Variants in MMRN1 observed in about 807,000 individuals in gnomAD.
MMRN1 encodes multimerin 1.
In MMRN1, 94 loss-of-function variants were observed where a neutral mutation model predicts 100.7. That is an observed-to-expected ratio of 0.93 (90% confidence interval 0.79 to 1.11). The LOEUF (loss-of-function observed/expected upper bound fraction) is 1.11. Among genes scored for constraint, MMRN1 ranks in the 50% least tolerant of loss-of-function variants. The pLI is 0.00. For missense variants in MMRN1, 1,606 were observed against 1,439.1 expected (o/e 1.12, Z -1.88); for synonymous variants, 575 against 505.0 (o/e 1.14, Z -1.86).
chr4:89,921,710 G>T (rs1722095217), intron 3 of MMRN1, among the ~76,000 whole-genome samples: 1 of 152,084 alleles, frequency 6.6e-6, no homozygotes, highest in African/African-American at 2.4e-5. Context: ...AAATCAAAAA[G>T]AAACAGCATC....
intron 6 of MMRN1, among the ~76,000 whole-genome samples, chr4:89,944,337 G>C (rs2110647865): frequency 6.6e-6 from 1 of 152,274 alleles, no homozygotes; most frequent in Non-Finnish European, 1.5e-5. Context: ...ATATTGCCAA[G>C]TTTCTCTTCA....
At chr4:89,933,583 G>A (rs1722508827) in intron 5 of MMRN1, among the ~76,000 whole-genome samples, 1 of 152,166 alleles carries the variant, frequency 6.6e-6, no homozygotes, top group African/African-American at 2.4e-5. Flanking sequence ...CGTGGCAGAA[G>A]GTGAAGAAAG....
At chr4:89,909,424 T>G (rs773323324) in intron 2 of MMRN1, 29 bp downstream of exon 2, 1 of 1,604,160 alleles carries the variant, frequency 6.2e-7, no homozygotes, top group East Asian at 2.2e-5. Context: ...AAATAGCCAC[T>G]GTTTTTGCAC....
chr4:89,913,947 A>G (rs189303387), intron 3 of MMRN1, among the ~76,000 whole-genome samples: 1 of 151,414 alleles, frequency 6.6e-6, no homozygotes. Context: ...TTTGATTCCA[A>G]AATAGCCTCC....
intron 1 of MMRN1, among the ~76,000 whole-genome samples, chr4:89,900,993 T>C (rs899846372): frequency 1.1e-4 from 16 of 151,850 alleles, no homozygotes; most frequent in African/African-American, 3.1e-4. Context: ...AGGAGGTAAG[T>C]GATCAACAGT....
rs12646270 is a variant in MMRN1, at chr4:89,936,328, G to C, written c.2648G>C (p.Gly883Ala). 1.9e-6 allele frequency: 3 copies of C among 1,612,392 alleles called. No homozygotes were observed. The African/African-American group carries it at 4.0e-5, about 22-fold the overall frequency. The change falls in exon 6 of 8, where the codon GGC becomes GCC. Residue 883 changes from glycine to alanine, a missense_variant. Gly to Ala is a moderately conservative substitution (Grantham distance 60). Coordinates refer to ENST00000264790, the MANE Select transcript of MMRN1 (RefSeq NM_007351.3). ...LIPYYISVKK[G>A]SVVTNERDQA... The stretch of plus-strand genomic sequence containing the variant: ...CCTTATTATATTTCAGTTAAAAAAG[G>C]CAGTGTAGTTACAAATGAGAGAGAT...
At chr4:89,892,905 G>T (rs1410271896), upstream of MMRN1, among the ~76,000 whole-genome samples, 3 of 151,926 alleles carry the variant, frequency 2.0e-5, no homozygotes, top group Non-Finnish European at 4.4e-5. Context: ...CATTATTTTG[G>T]CAGTTTTGTA....
upstream of MMRN1, chr4:89,894,827 C>T: frequency 2.9e-6 from 4 of 1,397,562 alleles, no homozygotes; most frequent in South Asian, 4.8e-5. Context: ...GAGTACGCTA[C>T]AAAACACAGA....
intron 1 of MMRN1, among the ~76,000 whole-genome samples, chr4:89,880,135 T>C (rs1435451695): frequency 4.6e-5 from 7 of 152,210 alleles, no homozygotes; most frequent in Non-Finnish European, 8.8e-5. Context: ...AATTGACTTC[T>C]TTGTGTCAAC....
intron 3 of MMRN1, among the ~76,000 whole-genome samples, chr4:89,921,348 A>G (rs966017791): frequency 2.6e-5 from 4 of 152,154 alleles, no homozygotes; most frequent in African/African-American, 7.2e-5. Flanking sequence ...TTTCCAGGTG[A>G]TGCTCATACT....
chr4:89,930,085 T>G (rs928606474), intron 5 of MMRN1, among the ~76,000 whole-genome samples: 1 of 152,108 alleles, frequency 6.6e-6, no homozygotes, highest in Non-Finnish European at 1.5e-5. Context: ...TGGAAGCATA[T>G]GAGTCACAGG....
At chr4:89,933,882 A>G (rs1234272120) in intron 5 of MMRN1, among the ~76,000 whole-genome samples, 1 of 152,188 alleles carries the variant, frequency 6.6e-6, no homozygotes, top group African/African-American at 2.4e-5. Context: ...TCATCACTAG[A>G]TATTATAAAT....
Position 89,935,558 on chromosome 4 carries a change from T to C in MMRN1, c.1878T>C (p.Phe626=). ...ATCAAACATTGGCTGAAGTTCTCTT[T>C]CCAATGGACAATAAGATGGACAAAA... ...VLNQTLAEVL[F]PMDNKMDKMS... The change falls in exon 6 of 8, where the codon TTT becomes TTC. Residue 626 remains phenylalanine (F), a synonymous_variant. Transcript: ENST00000264790. The C allele has an allele frequency of 4.3e-6, 7 of 1,613,378 alleles. No homozygotes were observed. The highest frequency in any genetic ancestry group is 5.9e-6 in the Non-Finnish European group (7 of 1,179,728).
intron 3 of MMRN1, among the ~76,000 whole-genome samples, chr4:89,917,233 G>A (rs1255094426): frequency 6.6e-6 from 1 of 151,724 alleles, no homozygotes; most frequent in Non-Finnish European, 1.5e-5. Flanking sequence ...TTTGTAAGAA[G>A]TAAAATTAAG....
chr4:89,938,918 T>A (rs1325655217), intron 6 of MMRN1, among the ~76,000 whole-genome samples: 1 of 152,046 alleles, frequency 6.6e-6, no homozygotes, highest in Non-Finnish European at 1.5e-5. Flanking sequence ...AGGTAGATAT[T>A]CCTTTTATGC....
rs781001577 is a variant in MMRN1 at position 89,928,020 on chromosome 4, A to G, written c.1129+52A>G. On this transcript the variant is annotated intron_variant, in intron 5 of 7. Transcript: ENST00000264790. ...CATTCAGTAACACAGAAAGCAAATG[A>G]TTCATTTTTCTTTTCTTACATCACT... is the stretch of plus-strand genomic sequence containing the variant. 10 of 1,391,382 alleles carry G rather than the reference A, an allele frequency of 7.2e-6. No homozygotes were observed. The South Asian group carries it at 1.5e-4, about 20-fold the overall frequency. 86.2% of individuals were successfully genotyped at this position (1,391,382 alleles called of 1,614,324 possible).
Position 89,907,252 on chromosome 4 carries a change from TAAC to T in MMRN1, c.624-2019_624-2017del, listed in dbSNP as rs1721596149. ...TTTGCCTCAATTGTCACCAGTGATTTAACAACATGTGCCAGCATGTCTTCTTAC... is the reference window on the plus strand; with the variant it reads ...TTTGCCTCAATTGTCACCAGTGATTTAACATGTGCCAGCATGTCTTCTTAC... On this transcript the variant is annotated intron_variant, in intron 1 of 7. Coordinates refer to ENST00000264790, the MANE Select transcript of MMRN1 (RefSeq NM_007351.3). Among the ~76,000 whole-genome samples the T allele has an allele frequency of 7.3e-5, 11 of 151,656 alleles. 1 individual carries two copies. In the South Asian group the frequency reaches 2.3e-3, roughly 31 times the overall value.
rs914519165 is a variant in MMRN1, at chr4:89,885,577, A to G, written c.-249+5975A>G. On this transcript the variant is annotated intron_variant, in intron 1 of 8. Coordinates refer to the MMRN1 transcript ENST00000394980. ...GAGCTTTACTTGTGTGAAAGTTTTT[A>G]TTATGAATGGAGATTTTTAGTTTTC... 3.9e-5 allele frequency among the ~76,000 whole-genome samples: 6 copies of G among 152,178 alleles called. No homozygotes were observed. In the East Asian group the frequency reaches 1.2e-3, roughly 29 times the overall value.
chr4:89,953,217 A>C lies in MMRN1; in HGVS notation c.3486A>C (p.Leu1162Phe). ...TTAGTGCTCATATTTCTGGATTTTT[A>C]GTGGTTGATGGAATAGACAAGCTTG... ...ESFSAHISGFLVVDGIDKLAF... is the reference protein window; with the variant it reads ...ESFSAHISGFFVVDGIDKLAF... Residue 1162 changes from leucine to phenylalanine, a missense_variant, in exon 8 of 8, where the codon TTA (leucine) becomes TTC (phenylalanine). Leu to Phe is a conservative substitution (Grantham distance 22). Transcript: ENST00000264790. 1 of 1,613,842 alleles carries C rather than the reference A, an allele frequency of 6.2e-7. No individual in the cohort carries two copies. Among genetic ancestry groups the C allele is most frequent in the Non-Finnish European group, 8.5e-7 (1 of 1,179,842 alleles).
Sources: gnomAD v4.1 joint callset for allele counts (sites outside exome capture counted in the v4.1 genomes callset) on GRCh38, gnomAD v4.1.1 for gene constraint, MANE v1.5 for transcripts, NCBI Gene and HGNC (gene_info 2026-07-23, HGNC 2026-07-21) for gene names.